The following MAPK6 variants were observed in gnomAD, a reference collection of about 807,000 sequenced individuals.
MAPK6 encodes ERK-3.
In MAPK6, 19 loss-of-function variants were observed where a neutral mutation model predicts 59.3. The observed-to-expected ratio is 0.32, with a 90% CI of 0.22 to 0.47. The LOEUF (loss-of-function observed/expected upper bound fraction) is 0.47, where lower values mean the gene tolerates loss of function less well. Ranked by LOEUF, MAPK6 falls within the 20% of genes least tolerant of loss-of-function variation. The pLI is 1.00. For synonymous variants in MAPK6, 316 were observed against 290.3 expected, an observed-to-expected ratio of 1.09 and a Z score of -0.90; for missense variants, 724 against 847.9, an observed-to-expected ratio of 0.85 and a Z score of 1.81.
intron 3 of MAPK6, among the ~76,000 whole-genome samples, chr15:52,055,231 G>C (rs533813989): frequency 1.3e-5 from 2 of 152,264 alleles, no homozygotes; most frequent in South Asian, 2.1e-4. Flanking sequence ...AGCATAGTGA[G>C]ACCCTGTCTC....
At chr15:52,043,803 G>T (rs138355698) in intron 1 of MAPK6, among the ~76,000 whole-genome samples, 1 of 122,968 alleles carries the variant, frequency 8.1e-6, no homozygotes, top group African/African-American at 3.0e-5. Context: ...GTGTCCCCCA[G>T]GCTGGAGTGC....
At chr15:52,027,642 G>T (rs1186529204) in intron 1 of MAPK6, 2 of 147,750 alleles carry the variant, frequency 1.4e-5, no homozygotes, top group Non-Finnish European at 1.5e-5. Context: ...TTTATAGGCG[G>T]GGTCTCCCTG....
Position 52,047,015 on chromosome 15 carries a change from G to A in MAPK6, c.555G>A (p.Lys185=). Residue 185 remains lysine (K), a splice_region_variant and synonymous_variant, in exon 2 of 6, where the codon AAG becomes AAA. Transcript: ENST00000261845. ...ARIMDPHYSH[K]GHLSEGLVTK... ...TCATGGATCCTCATTATTCCCATAA[G>A]GTATGTATAGAAAGCCAGCTGAGAC... The A allele has an allele frequency of 6.5e-7, 1 of 1,537,978 alleles. No individual in the cohort carries two copies. The highest frequency in any genetic ancestry group is 1.3e-5 in the South Asian group (1 of 77,034).
intron 2 of MAPK6, 79 bp downstream of exon 2, chr15:52,047,094 A>G (rs2031615004): frequency 9.6e-7 from 1 of 1,045,190 alleles, no homozygotes; most frequent in South Asian, 2.9e-5. Context: ...TTTTCTTTGT[A>G]TATTGTGGCA....
At chr15:52,028,762 T>C (rs2030913208) in intron 1 of MAPK6, among the ~76,000 whole-genome samples, 1 of 152,204 alleles carries the variant, frequency 6.6e-6, no homozygotes, top group African/African-American at 2.4e-5. Context: ...TACAGCCTCA[T>C]TTCTCTGATT....
intron 1 of MAPK6, among the ~76,000 whole-genome samples, chr15:52,031,171 G>C (rs150114858): frequency 6.6e-6 from 1 of 152,108 alleles, no homozygotes; most frequent in Admixed American, 6.5e-5. Flanking sequence ...CACTTGAAGT[G>C]ATCCGCCCAC....
At chr15:52,023,302 C>G (rs550188692) in intron 1 of MAPK6, among the ~76,000 whole-genome samples, 2 of 152,220 alleles carry the variant, frequency 1.3e-5, no homozygotes, top group South Asian at 2.1e-4. Context: ...GAAGTAAATT[C>G]TGTGTGGCAT....
chr15:52,035,779 G>A (rs1053683389), intron 1 of MAPK6, among the ~76,000 whole-genome samples: 3 of 152,152 alleles, frequency 2.0e-5, no homozygotes, highest in Non-Finnish European at 2.9e-5. Flanking sequence ...CCTTAATCCT[G>A]TCAGTGGATT....
Position 52,066,792 on chromosome 15 carries a change from G to GTGTGTGTGTGTGTGTGTGTGTGTGTA in MAPK6, c.*1793_*1794insGTGTGTGTGTGTGTGTGTGTGTGTAT, listed in dbSNP as rs1043704165. The GTGTGTGTGTGTGTGTGTGTGTGTGTA allele has an allele frequency of 2.1e-5, 3 of 144,056 alleles. No homozygotes were observed. The highest frequency in any genetic ancestry group is 4.6e-5 in the Non-Finnish European group (3 of 65,934). 8.9% of individuals were successfully genotyped at this position (144,056 alleles called of 1,614,324 possible). ...TGTGTGTGTGTGTGTGTGTGTGTGT[G>GTGTGTGTGTGTGTGTGTGTGTGTGTA]TATATATATTCATTTATTTATTTTC... On this transcript the variant is annotated 3_prime_UTR_variant, in exon 6 of 6. Coordinates refer to ENST00000261845, the MANE Select transcript of MAPK6 (RefSeq NM_002748.4).
rs191401127 is a variant in MAPK6 at position 52,065,232 on chromosome 15, C to T, written c.*232C>T. On this transcript the variant is annotated 3_prime_UTR_variant, in exon 6 of 6. Transcript: ENST00000261845. Reference sequence around the variant, plus strand: ...TAAAGACTAGAGCAAAATAATGCAACGCAGGAGGAGAAAAGAAATGCACTA... The same window carrying T: ...TAAAGACTAGAGCAAAATAATGCAATGCAGGAGGAGAAAAGAAATGCACTA... 234 of 404,068 alleles carry T rather than the reference C, an allele frequency of 5.8e-4. No homozygotes were observed. Among genetic ancestry groups the T allele is most frequent in the African/African-American group, 3.9e-3 (192 of 48,824 alleles). 25.0% of individuals were successfully genotyped at this position (404,068 alleles called of 1,614,324 possible).
Position 52,034,605 on chromosome 15 carries a change from C to T in MAPK6, c.-631-11225C>T, listed in dbSNP as rs1406023730. ...ACAGGCATGAGCCACTGTGCCCTGG[C>T]GAAGAGTTGTTCTTTCTCTTCCTTC... On this transcript the variant is annotated intron_variant, in intron 1 of 5. Transcript: ENST00000261845. 2.0e-5 allele frequency among the ~76,000 whole-genome samples: 3 copies of T among 152,124 alleles called. No homozygotes were observed. The East Asian group carries it at 5.8e-4, about 29-fold the overall frequency.
intron 3 of MAPK6, 128 bp downstream of exon 3, chr15:52,050,265 T>C (rs930737430): frequency 6.0e-6 from 5 of 834,834 alleles, no homozygotes; most frequent in Non-Finnish European, 9.0e-6. Context: ...AACAGATAAA[T>C]TGGCGTTTTT....
intron 2 of MAPK6, among the ~76,000 whole-genome samples, chr15:52,003,201 A>G (rs1351393473): frequency 2.6e-5 from 4 of 152,062 alleles, no homozygotes; most frequent in African/African-American, 9.7e-5. Context: ...AAAAAAACCA[A>G]AAAACAAACA....
chr15:51,992,010 G>A (rs2141817342), intron 2 of MAPK6, among the ~76,000 whole-genome samples: 1 of 152,256 alleles, frequency 6.6e-6, no homozygotes, highest in South Asian at 2.1e-4. Context: ...AGGCTGGAGT[G>A]CAGTGGCTTG....
chr15:52,016,498 C>CT (rs1727980881), upstream of MAPK6, among the ~76,000 whole-genome samples: 4 of 152,130 alleles, frequency 2.6e-5, no homozygotes, highest in South Asian at 8.3e-4. Context: ...AAACTCTTGC[C>CT]TAAAAAGGTG....
At chr15:51,978,664 TA>T (rs869142018) in intron 1 of MAPK6, among the ~76,000 whole-genome samples, 25 of 151,080 alleles carry the variant, frequency 1.7e-4, no homozygotes, top group African/African-American at 5.4e-4. Context: ...ATAACCCCAT[TA>T]AAAAAACAAA....
intron 1 of MAPK6, among the ~76,000 whole-genome samples, chr15:51,982,307 C>T (rs1234973442): frequency 2.0e-5 from 3 of 152,224 alleles, no homozygotes; most frequent in Non-Finnish European, 4.4e-5. Context: ...ACGCAGGCTG[C>T]ATCTGGCCCT....
chr15:51,979,204 G>A (rs1176324083), intron 1 of MAPK6, among the ~76,000 whole-genome samples: 6 of 135,798 alleles, frequency 4.4e-5, no homozygotes, highest in African/African-American at 1.1e-4. Flanking sequence ...GAGAAAGAAG[G>A]AAAGAAGAAA....
chr15:51,998,100 C>T (rs867168523), intron 2 of MAPK6, among the ~76,000 whole-genome samples: 2 of 151,914 alleles, frequency 1.3e-5, no homozygotes, highest in East Asian at 3.9e-4. Context: ...CATGCCACCA[C>T]GCCCAGCTAA....
Sources: gnomAD v4.1 joint callset for allele counts (sites outside exome capture counted in the v4.1 genomes callset) on GRCh38, gnomAD v4.1.1 for gene constraint, MANE v1.5 for transcripts, NCBI Gene and HGNC (gene_info 2026-07-23, HGNC 2026-07-21) for gene names.